SALL3: variants seen among roughly 807,000 people sequenced by gnomAD.
The protein encoded by SALL3 is sal-like protein 3.
SALL3 carries 25 observed loss-of-function variants against 66.2 expected under a neutral mutation model. The observed-to-expected ratio is 0.38, with a 90% confidence interval of 0.28 to 0.53. SALL3 has a LOEUF of 0.53. Ranked by LOEUF, SALL3 falls within the 20% of genes least tolerant of loss-of-function variation. The probability of loss-of-function intolerance (pLI) is 0.85; values close to 1 mark genes in which losing one functional copy is unlikely to be tolerated. For missense variants in SALL3, 2,194 were observed against 1,916.5 expected (o/e 1.14, Z -2.70); for synonymous variants, 1,152 against 899.1 (o/e 1.28, Z -5.03).
rs762369830 is a variant in SALL3 at position 78,994,802 on chromosome 18, GCCGGACAGCCCAGCCGCCGCC to G, written c.2816_2836del (p.Asp939_Pro945del). The G allele has an allele frequency of 8.1e-6, 13 of 1,596,944 alleles. No individual in the cohort carries two copies. The highest frequency in any genetic ancestry group is 1.1e-5 in the South Asian group (1 of 90,044). On this transcript the variant is annotated inframe_deletion, in exon 2 of 3. Coordinates refer to ENST00000537592, the MANE Select transcript of SALL3 (RefSeq NM_171999.4). ...AGGAAATCCCGCTCAAGACCGAGAG[GCCGGACAGCCCAGCCGCCGCC>G]CCGGGCAGCGGAGGCGCCCCTGGCC...
In SALL3 at chr18:78,993,924, G is replaced by A. The variant is rs924919886; in HGVS notation, c.1933G>A (p.Ala645Thr). 13 of 1,605,852 alleles carry A rather than the reference G, an allele frequency of 8.1e-6. No homozygotes were observed. In the Admixed American group the frequency reaches 2.0e-4, roughly 25 times the overall value. ...GLPAVSEQFK[A>T]QFPFGGLLDS... is the part of the protein sequence containing the mutation. Reference sequence around the variant, plus strand: ...GCCCGCCGTCTCCGAGCAGTTCAAGGCCCAGTTTCCGTTCGGGGGGCTGCT... The same window carrying A: ...GCCCGCCGTCTCCGAGCAGTTCAAGACCCAGTTTCCGTTCGGGGGGCTGCT... The change falls in exon 2 of 3, where the codon GCC becomes ACC. Residue 645 changes from alanine (A) to threonine (T), a missense_variant. Physicochemically the swap from Ala to Thr is moderately conservative, Grantham distance 58. Coordinates refer to ENST00000537592, the MANE Select transcript of SALL3 (RefSeq NM_171999.4).
chr18:78,988,879 A>C lies in SALL3; in HGVS notation c.83-3195A>C, dbSNP rs187787621. On this transcript the variant is annotated intron_variant, in intron 1 of 2. Coordinates refer to ENST00000537592, the MANE Select transcript of SALL3 (RefSeq NM_171999.4). ...AAATTTTTTTCCTTCATTAATAATA[A>C]CCTTTAAGGTCTGTTTTAGTCAAAA... Among the ~76,000 whole-genome samples the C allele has an allele frequency of 2.4e-3, 365 of 152,318 alleles. 4 individuals carry two copies. The highest frequency in any genetic ancestry group is 8.3e-3 in the African/African-American group (347 of 41,574).
intron 1 of SALL3, among the ~76,000 whole-genome samples, chr18:78,981,873 G>A (rs904280688): frequency 6.6e-6 from 1 of 152,028 alleles, no homozygotes; most frequent in African/African-American, 2.4e-5. Flanking sequence ...TATTTCTGCC[G>A]AATGAGAAAG....
Position 78,994,765 on chromosome 18 carries a change from C to A in SALL3, c.2774C>A (p.Pro925Gln). 1 of 1,599,496 alleles carries A rather than the reference C, an allele frequency of 6.3e-7. No individual in the cohort carries two copies. Among genetic ancestry groups the A allele is most frequent in the East Asian group, 2.2e-5 (1 of 44,610 alleles). ...TCCAAGTCCCCGGGCCTGGGCGCCCCGGAGGAGCCCCAGGAAATCCCGCTC... is the reference window on the plus strand; with the variant it reads ...TCCAAGTCCCCGGGCCTGGGCGCCCAGGAGGAGCCCCAGGAAATCCCGCTC... ...FRSKSPGLGA[P>Q]EEPQEIPLKT... The change falls in exon 2 of 3, where the codon CCG becomes CAG. Residue 925 changes from proline to glutamine, a missense_variant. By Grantham distance (76) the Pro-to-Gln change is moderately conservative (BLOSUM62 -1). Coordinates refer to ENST00000537592, the MANE Select transcript of SALL3 (RefSeq NM_171999.4).
In SALL3 at chr18:78,997,128, G is replaced by A. The variant is rs200661119; in HGVS notation, c.3709G>A (p.Gly1237Ser). 4.9e-5 allele frequency: 79 copies of A among 1,614,032 alleles called. No homozygotes were observed. Among genetic ancestry groups the A allele is most frequent in the Non-Finnish European group, 6.4e-5 (75 of 1,180,032 alleles). Residue 1237 changes from glycine to serine, a missense_variant, in exon 3 of 3, where the codon GGC (glycine) becomes AGC (serine). By Grantham distance (56) the Gly-to-Ser change is moderately conservative (BLOSUM62 0). Transcript: ENST00000537592. ...CGAGATCTCCGTCATCCAGAACGGC[G>A]GCATCCCCCAGCTCCCCGTGAGTCT... ...NNEISVIQNGGIPQLPVSLGG... is the reference protein window; with the variant it reads ...NNEISVIQNGSIPQLPVSLGG...
chr18:78,981,270 C>T (rs1203939396), intron 1 of SALL3, among the ~76,000 whole-genome samples: 1 of 152,098 alleles, frequency 6.6e-6, no homozygotes, highest in African/African-American at 2.4e-5. Context: ...CGGCGGCGCC[C>T]GGGCTTCGGC....
Position 78,994,493 on chromosome 18 carries a change from C to G in SALL3, c.2502C>G (p.Pro834=). 1.2e-6 allele frequency: 2 copies of G among 1,611,870 alleles called. No homozygotes were observed. The highest frequency in any genetic ancestry group is 1.7e-6 in the Non-Finnish European group (2 of 1,179,442). ...SYAGSCPPSP[P]SVISSIAALE... is the part of the protein sequence containing the mutation. ...CGGGGTCCTGCCCGCCCTCCCCGCC[C>G]TCGGTCATCTCCAGCATTGCCGCCC... is the stretch of plus-strand genomic sequence containing the variant. The change falls in exon 2 of 3, where the codon CCC becomes CCG. Residue 834 remains proline (P), a synonymous_variant. Transcript: ENST00000537592.
At position 78,992,542 on chromosome 18, in the gene SALL3, G is replaced by A. The variant is rs1308853356; in HGVS notation, c.551G>A (p.Gly184Asp). The A allele has an allele frequency of 2.7e-6, 4 of 1,482,270 alleles. No homozygotes were observed. In the Admixed American group the frequency reaches 8.5e-5, roughly 32 times the overall value. 91.8% of individuals were successfully genotyped at this position (1,482,270 alleles called of 1,614,324 possible). Reference protein sequence around the residue: ...TKVAVAQFSQGARAAGGSGAG... With the variant: ...TKVAVAQFSQDARAAGGSGAG... Reference sequence around the variant, plus strand: ...GTGGCGGTGGCGCAGTTCTCGCAGGGCGCGCGCGCGGCAGGCGGCTCGGGA... The same window carrying A: ...GTGGCGGTGGCGCAGTTCTCGCAGGACGCGCGCGCGGCAGGCGGCTCGGGA... The change falls in exon 2 of 3, where the codon GGC (glycine) becomes GAC (aspartate). Residue 184 changes from glycine to aspartate, a missense_variant. Physicochemically the swap from Gly to Asp is moderately conservative, Grantham distance 94. Transcript: ENST00000537592.
Position 78,994,300 on chromosome 18 carries a change from C to G in SALL3, c.2309C>G (p.Pro770Arg), listed in dbSNP as rs1001027622. The G allele has an allele frequency of 8.7e-6, 14 of 1,613,616 alleles. No individual in the cohort carries two copies. The African/African-American group carries it at 1.5e-4, about 17-fold the overall frequency. ...MHMGGQIPNT[P>R]LPEGFQDAMD... ...ATGGGCGGCCAGATCCCCAACACGCCGCTGCCGGAGGGCTTCCAGGATGCC... is the reference window on the plus strand; with the variant it reads ...ATGGGCGGCCAGATCCCCAACACGCGGCTGCCGGAGGGCTTCCAGGATGCC... The change falls in exon 2 of 3, where the codon CCG becomes CGG. Residue 770 changes from proline to arginine, a missense_variant. Physicochemically the swap from Pro to Arg is moderately radical, Grantham distance 103. Coordinates refer to ENST00000537592, the MANE Select transcript of SALL3 (RefSeq NM_171999.4).
rs1914749372 is a variant in SALL3, at chr18:78,997,754, C to T, written c.*432C>T. 1.1e-5 allele frequency: 2 copies of T among 181,974 alleles called. No individual in the cohort carries two copies. Among genetic ancestry groups the T allele is most frequent in the African/African-American group, 4.7e-5 (2 of 42,470 alleles). 11.3% of individuals were successfully genotyped at this position (181,974 alleles called of 1,614,324 possible). The stretch of plus-strand genomic sequence containing the variant: ...TTCATGTTAAAGACGTGGTTTAGTA[C>T]TCCCAATGCTGTGTATCATGACACT... On this transcript the variant is annotated 3_prime_UTR_variant, in exon 3 of 3. Coordinates refer to ENST00000537592, the MANE Select transcript of SALL3 (RefSeq NM_171999.4).
At chr18:78,987,906 AG>A (rs1178781688) in intron 1 of SALL3, among the ~76,000 whole-genome samples, 7 of 152,362 alleles carry the variant, frequency 4.6e-5, no homozygotes, top group African/African-American at 1.4e-4. Context: ...GCTGTTGAAT[AG>A]TGTGCAAAAA....
At position 78,997,595 on chromosome 18, in the gene SALL3, A is replaced by C; in HGVS notation, c.*273A>C. ...CTTAGGAACAGAAAGAGCTCAGACCATGTCCACTTCCTTTCTCCTGAAACC... is the reference window on the plus strand; with the variant it reads ...CTTAGGAACAGAAAGAGCTCAGACCCTGTCCACTTCCTTTCTCCTGAAACC... On this transcript the variant is annotated 3_prime_UTR_variant, in exon 3 of 3. Coordinates refer to ENST00000537592, the MANE Select transcript of SALL3 (RefSeq NM_171999.4). 4.2e-6 allele frequency: 2 copies of C among 473,938 alleles called. No homozygotes were observed. The highest frequency in any genetic ancestry group is 7.4e-6 in the Non-Finnish European group (2 of 269,376). The allele number at this position is 473,938 out of a possible 1,614,324, so 29.4% of individuals were successfully genotyped here. A position where few individuals can be genotyped will look rare whatever the true frequency, so the allele number is the denominator to read the frequency against.
intron 1 of SALL3, among the ~76,000 whole-genome samples, chr18:78,987,041 TA>T (rs1914268739): frequency 6.6e-6 from 1 of 151,734 alleles, no homozygotes. Context: ...TTATTCTAAG[TA>T]AACTTATTTT....
intron 1 of SALL3, among the ~76,000 whole-genome samples, chr18:78,990,145 T>C (rs906994801): frequency 1.8e-4 from 27 of 152,336 alleles, no homozygotes; most frequent in African/African-American, 6.3e-4. Flanking sequence ...AGTTGAGTAC[T>C]TGGAGTATTT....
rs1914621495 is a variant in SALL3, at chr18:78,994,754, C to A, written c.2763C>A (p.Gly921=). The A allele has an allele frequency of 1.2e-6, 2 of 1,601,332 alleles. No homozygotes were observed. Among genetic ancestry groups the A allele is most frequent in the African/African-American group, 1.3e-5 (1 of 74,790 alleles). ...NGESFRSKSP[G]LGAPEEPQEI... is the part of the protein sequence containing the mutation. ...AGAGCTTCCGCTCCAAGTCCCCGGGCCTGGGCGCCCCGGAGGAGCCCCAGG... is the reference window on the plus strand; with the variant it reads ...AGAGCTTCCGCTCCAAGTCCCCGGGACTGGGCGCCCCGGAGGAGCCCCAGG... The change falls in exon 2 of 3, where the codon GGC becomes GGA. Residue 921 remains glycine (G), a synonymous_variant. Coordinates refer to ENST00000537592, the MANE Select transcript of SALL3 (RefSeq NM_171999.4).
At position 78,995,478 on chromosome 18, in the gene SALL3, G is replaced by T. The variant is rs762746058; in HGVS notation, c.3471+16G>T. On this transcript the variant is annotated intron_variant, in intron 2 of 2. Coordinates refer to ENST00000537592, the MANE Select transcript of SALL3 (RefSeq NM_171999.4). ...CAACCTCAAGGTAAGAGCATGGCAG[G>T]CTCCAGCCCCGGCTGCGGTGCGGCC... is the stretch of plus-strand genomic sequence containing the variant. 2.0e-5 allele frequency: 31 copies of T among 1,518,988 alleles called. No individual in the cohort carries two copies. The East Asian group carries it at 6.8e-4, about 34-fold the overall frequency. 94.1% of individuals were successfully genotyped at this position (1,518,988 alleles called of 1,614,324 possible).
rs181153932 is a variant in SALL3, at chr18:78,981,257, G to A, written c.82+901G>A. 8.5e-3 allele frequency among the ~76,000 whole-genome samples: 1,293 copies of A among 152,238 alleles called. 14 individuals carry two copies. The highest frequency in any genetic ancestry group is 0.013 in the Non-Finnish European group (897 of 68,000). ...ACCCCCTTCGTCGAGTCAAAACCTC[G>A]GCCGGCGGCGCCCGGGCTTCGGCGC... On this transcript the variant is annotated intron_variant, in intron 1 of 2. Transcript: ENST00000537592.
In SALL3 at chr18:78,997,702, A is replaced by G. The variant is rs190686289; in HGVS notation, c.*380A>G. 1.8e-3 allele frequency: 435 copies of G among 237,366 alleles called. 3 individuals carry two copies. The highest frequency in any genetic ancestry group is 1.7e-3 in the Non-Finnish European group (211 of 122,102). The allele number at this position is 237,366 out of a possible 1,614,324, so 14.7% of individuals were successfully genotyped here. ...TGATGGTTTCTTTTGAATTAGTTAGACACTTGAACGGTGTTTTTTAGAACT... is the reference window on the plus strand; with the variant it reads ...TGATGGTTTCTTTTGAATTAGTTAGGCACTTGAACGGTGTTTTTTAGAACT... On this transcript the variant is annotated 3_prime_UTR_variant, in exon 3 of 3. Coordinates refer to ENST00000537592, the MANE Select transcript of SALL3 (RefSeq NM_171999.4).
intron 1 of SALL3, among the ~76,000 whole-genome samples, chr18:78,988,296 G>A (rs1373935146): frequency 6.6e-6 from 1 of 152,186 alleles, no homozygotes; most frequent in Non-Finnish European, 1.5e-5. Flanking sequence ...ATATGGGTTT[G>A]CTTGTTATAG....
Sources: allele counts gnomAD v4.1 joint callset (sites outside exome capture counted in the v4.1 genomes callset), GRCh38; gene constraint gnomAD v4.1.1; transcripts MANE v1.5; gene names NCBI Gene and HGNC (gene_info 2026-07-23, HGNC 2026-07-21).